Variants in TMTC3 observed in about 807,000 individuals in gnomAD.
TMTC3 encodes the protein protein O-mannosyl-transferase TMTC3.
In TMTC3, 52 loss-of-function variants were observed where a neutral mutation model predicts 92.2. That is an observed-to-expected ratio of 0.56 (90% CI 0.45 to 0.71). The LOEUF (loss-of-function observed/expected upper bound fraction) is 0.71. TMTC3 is among the 30% of genes least tolerant of loss of function. The probability of loss-of-function intolerance (pLI) is 0.00; values close to 1 mark genes in which losing one functional copy is unlikely to be tolerated. For synonymous variants in TMTC3, 339 were observed against 363.3 expected (o/e 0.93, Z 0.76); for missense variants, 896 against 1,057.1 (o/e 0.85, Z 2.11).
chr12:88,163,343 C>T (rs2041102239), intron 6 of TMTC3, among the ~76,000 whole-genome samples: 1 of 152,200 alleles, frequency 6.6e-6, no homozygotes, highest in South Asian at 2.1e-4. Flanking sequence ...AAGATTTCCA[C>T]ACTGTCTGCC....
At chr12:88,175,323 G>C (rs191429434) in intron 9 of TMTC3, among the ~76,000 whole-genome samples, 110 of 152,182 alleles carry the variant, frequency 7.2e-4, no homozygotes, top group African/African-American at 2.6e-3. Flanking sequence ...ACAAAAATTT[G>C]TTTTCTTTAA....
chr12:88,193,541 A>G (rs1377394275), intron 13 of TMTC3, among the ~76,000 whole-genome samples: 3 of 152,178 alleles, frequency 2.0e-5, no homozygotes, highest in African/African-American at 7.2e-5. Context: ...ATAAAGTCGT[A>G]GTATTTTAGA....
At chr12:88,144,748 G>A (rs1444985157) in intron 1 of TMTC3, among the ~76,000 whole-genome samples, 1 of 152,212 alleles carries the variant, frequency 6.6e-6, no homozygotes, top group Non-Finnish European at 1.5e-5. Flanking sequence ...CAGTGAACAA[G>A]TCAGCTCTGG....
In TMTC3 at chr12:88,195,740, G is replaced by A. The variant is rs2041505148; in HGVS notation, c.*91G>A. The A allele has an allele frequency of 2.8e-6, 3 of 1,055,538 alleles. No individual in the cohort carries two copies. Among genetic ancestry groups the A allele is most frequent in the Non-Finnish European group, 4.0e-6 (3 of 741,160 alleles). 65.4% of individuals were successfully genotyped at this position (1,055,538 alleles called of 1,614,324 possible). On this transcript the variant is annotated 3_prime_UTR_variant, in exon 14 of 14. Coordinates refer to ENST00000266712, the MANE Select transcript of TMTC3 (RefSeq NM_181783.4). ...GGGAGCTTTGAAAAAAAGTTCAAGG[G>A]TTCCTAATGGTCAATCATGAGCTGC...
chr12:88,168,503 GGAGGGAGCAAT>G (rs2041171072), intron 7 of TMTC3, among the ~76,000 whole-genome samples: 1 of 152,216 alleles, frequency 6.6e-6, no homozygotes, highest in African/African-American at 2.4e-5. Flanking sequence ...TTCAGAGGTA[GGAGGGAGCAAT>G]GTCAGGGAGA....
chr12:88,172,710 G>A lies in TMTC3; in HGVS notation c.1164G>A (p.Leu388=). 3.7e-6 allele frequency: 6 copies of A among 1,600,610 alleles called. No homozygotes were observed. The highest frequency in any genetic ancestry group is 5.1e-6 in the Non-Finnish European group (6 of 1,174,906). The stretch of plus-strand genomic sequence containing the variant: ...TTCCCAGCATGGGGTTCTGTATTTT[G>A]GTAGCCCATGGATGGCAGAAAATAT... ...LYVPSMGFCI[L]VAHGWQKIST... Residue 388 remains leucine, a synonymous_variant, in exon 8 of 14, where the codon TTG becomes TTA. Transcript: ENST00000266712.
At chr12:88,158,439 A>T (rs1036410900) in intron 4 of TMTC3, among the ~76,000 whole-genome samples, 38 of 152,106 alleles carry the variant, frequency 2.5e-4, no homozygotes, top group Non-Finnish European at 4.7e-4. Flanking sequence ...ATTGTAGTGT[A>T]ATATAATCTA....
At chr12:88,151,443 G>T (rs982938311) in intron 2 of TMTC3, among the ~76,000 whole-genome samples, 1 of 151,970 alleles carries the variant, frequency 6.6e-6, no homozygotes, top group African/African-American at 2.4e-5. Context: ...TAATATGCCC[G>T]AAAGTAATAA....
intron 1 of TMTC3, among the ~76,000 whole-genome samples, chr12:88,146,611 G>A (rs976626304): frequency 1.0e-4 from 15 of 147,878 alleles, no homozygotes; most frequent in African/African-American, 3.5e-4. Flanking sequence ...GTGTGTGTGT[G>A]TATATATATA....
chr12:88,145,663 T>G (rs1452846966), intron 1 of TMTC3, among the ~76,000 whole-genome samples: 1 of 152,148 alleles, frequency 6.6e-6, no homozygotes, highest in Non-Finnish European at 1.5e-5. Context: ...GTAATCTATG[T>G]GTTGCAAGAG....
chr12:88,164,207 A>G (rs1042535277), intron 6 of TMTC3, among the ~76,000 whole-genome samples: 2 of 151,502 alleles, frequency 1.3e-5, no homozygotes, highest in Non-Finnish European at 2.9e-5. Context: ...AAAAAAAAAA[A>G]AAAAGAACTC....
At chr12:88,159,703 CTTTTAAA>C (rs1278258028) in intron 4 of TMTC3, among the ~76,000 whole-genome samples, 1 of 150,188 alleles carries the variant, frequency 6.7e-6, no homozygotes, top group African/African-American at 2.4e-5. Flanking sequence ...TTTCCCAATA[CTTTTAAA>C]TTTTAAGTTT....
At position 88,195,582 on chromosome 12, in the gene TMTC3, T is replaced by C. The variant is rs749790571; in HGVS notation, c.2678T>C (p.Ile893Thr). ...PHKTTKDIKE[I>T]EKKRVAALKR... ...AAAACAACAAAAGACATCAAAGAAA[T>C]TGAGAAGAAAAGAGTTGCTGCTTTA... Residue 893 changes from isoleucine to threonine, a missense_variant, in exon 14 of 14, where the codon ATT (isoleucine) becomes ACT (threonine). Ile to Thr is a moderately conservative substitution (Grantham distance 89). Coordinates refer to ENST00000266712, the MANE Select transcript of TMTC3 (RefSeq NM_181783.4). The C allele has an allele frequency of 6.2e-7, 1 of 1,606,596 alleles. No individual in the cohort carries two copies. Among genetic ancestry groups the C allele is most frequent in the East Asian group, 2.2e-5 (1 of 44,728 alleles).
chr12:88,176,766 G>T (rs1010852016), intron 10 of TMTC3, among the ~76,000 whole-genome samples: 1 of 152,150 alleles, frequency 6.6e-6, no homozygotes, highest in Non-Finnish European at 1.5e-5. Flanking sequence ...CTGGGTGACA[G>T]AGTGAGACTG....
At chr12:88,188,551 A>G (rs548155040) in intron 10 of TMTC3, among the ~76,000 whole-genome samples, 15 of 152,304 alleles carry the variant, frequency 9.8e-5, no homozygotes, top group East Asian at 9.6e-4. Flanking sequence ...AATCCATTCA[A>G]ATAGTTTTTT....
chr12:88,188,127 G>T (rs1416690498), intron 10 of TMTC3, among the ~76,000 whole-genome samples: 1 of 152,006 alleles, frequency 6.6e-6, no homozygotes, highest in Non-Finnish European at 1.5e-5. Flanking sequence ...TCATTTAAAA[G>T]AGCTGGGCCA....
rs754270071 is a variant in TMTC3, at chr12:88,194,918, T to C, written c.2014T>C (p.Phe672Leu). ...NEEPLDANGY[F>L]NLGMLAMDDK... ...AGAGCCACTAGATGCTAATGGGTATTTCAATTTGGGAATGCTTGCCATGGA... is the reference window on the plus strand; with the variant it reads ...AGAGCCACTAGATGCTAATGGGTATCTCAATTTGGGAATGCTTGCCATGGA... Residue 672 changes from phenylalanine (F) to leucine (L), a missense_variant, in exon 14 of 14, where the codon TTC becomes CTC. By Grantham distance (22) the Phe-to-Leu change is conservative. Transcript: ENST00000266712. 7.4e-6 allele frequency: 12 copies of C among 1,613,640 alleles called. No homozygotes were observed. In the Admixed American group the frequency reaches 8.3e-5, roughly 11 times the overall value.
chr12:88,172,016 C>A (rs1054339849), intron 7 of TMTC3, among the ~76,000 whole-genome samples: 3 of 152,010 alleles, frequency 2.0e-5, no homozygotes, highest in African/African-American at 7.2e-5. Context: ...ATCTATTTAG[C>A]TACTTTGCCC....
At chr12:88,192,512 G>GTA (rs2041455668) in intron 12 of TMTC3, 92 bp from the exon 13 acceptor site, 2 of 825,590 alleles carry the variant, frequency 2.4e-6, no homozygotes, top group Non-Finnish European at 3.9e-6. Flanking sequence ...AAAAAAAGCT[G>GTA]TATGTGGAAA....
Sources: gnomAD v4.1 joint callset for allele counts (sites outside exome capture counted in the v4.1 genomes callset) on GRCh38, gnomAD v4.1.1 for gene constraint, MANE v1.5 for transcripts, NCBI Gene and HGNC (gene_info 2026-07-23, HGNC 2026-07-21) for gene names.